CSMD3: variants seen among roughly 807,000 people sequenced by gnomAD.
CSMD3 encodes the protein CUB and sushi domain-containing protein 3.
Under a neutral mutation model 435.2 loss-of-function variants are expected in CSMD3, and 177 were observed. That is an observed-to-expected ratio of 0.41 (90% CI 0.36 to 0.46). The LOEUF (loss-of-function observed/expected upper bound fraction) is 0.46. Ranked by LOEUF, CSMD3 falls within the 20% of genes least tolerant of loss-of-function variation. CSMD3 has a pLI of 0.34. For missense variants in CSMD3, 4,265 were observed against 4,504.6 expected, an observed-to-expected ratio of 0.95 and a Z score of 1.52; for synonymous variants, 1,656 against 1,520.5, an observed-to-expected ratio of 1.09 and a Z score of -2.07.
intron 4 of CSMD3, among the ~76,000 whole-genome samples, chr8:113,119,295 A>G (rs1238543176): frequency 3.9e-5 from 6 of 152,202 alleles, no homozygotes. Flanking sequence ...TTTAAAATAG[A>G]TCATCAAATT....
At chr8:112,633,871 T>C (rs1213192676) in intron 22 of CSMD3, among the ~76,000 whole-genome samples, 1 of 152,064 alleles carries the variant, frequency 6.6e-6, no homozygotes, top group African/African-American at 2.4e-5. Flanking sequence ...TCATACTTTG[T>C]ATAAAATTTA....
At chr8:113,234,598 A>G (rs569401447) in intron 3 of CSMD3, among the ~76,000 whole-genome samples, 1 of 152,308 alleles carries the variant, frequency 6.6e-6, no homozygotes, top group African/African-American at 2.4e-5. Flanking sequence ...TCTACCACTT[A>G]TAACAACCTT....
intron 29 of CSMD3, among the ~76,000 whole-genome samples, chr8:112,506,463 C>T (rs190821769): frequency 1.3e-5 from 2 of 152,158 alleles, no homozygotes; most frequent in African/African-American, 2.4e-5. Context: ...TTTTGTGATG[C>T]CAGCTGTTAG....
intron 2 of CSMD3, among the ~76,000 whole-genome samples, chr8:113,305,792 A>G (rs2093815942): frequency 1.3e-5 from 2 of 152,246 alleles, no homozygotes; most frequent in Non-Finnish European, 2.9e-5. Flanking sequence ...AATGATAACT[A>G]AAGAGAATAA....
intron 20 of CSMD3, among the ~76,000 whole-genome samples, chr8:112,639,860 T>A (rs1171449394): frequency 1.3e-5 from 2 of 152,180 alleles, no homozygotes; most frequent in Non-Finnish European, 2.9e-5. Flanking sequence ...TCGTTTGCGT[T>A]TTACCACAAA....
Position 112,408,985 on chromosome 8 carries a change from C to A in CSMD3, c.5443G>T (p.Val1815Phe). ...TGAGTTGGCCCATCATACACCTCAACAACATCGTGGAGTGATGTCTGGAAA... is the reference window on the plus strand; with the variant it reads ...TGAGTTGGCCCATCATACACCTCAAAAACATCGTGGAGTGATGTCTGGAAA... Reference protein sequence around the residue: ...VFFQTSLHDVVEVYDGPTQQS... With the variant: ...VFFQTSLHDVFEVYDGPTQQS... The change falls in exon 33 of 71, where the codon GTT becomes TTT. Residue 1815 changes from valine to phenylalanine, a missense_variant. Physicochemically the swap from Val to Phe is conservative, Grantham distance 50. This residue lies in a region of CSMD3 where 3,255 missense variants were observed against 3,380.2 expected (regional missense o/e 0.96). Coordinates refer to ENST00000297405, the MANE Select transcript of CSMD3 (RefSeq NM_198123.2). The A allele has an allele frequency of 6.2e-7, 1 of 1,613,556 alleles. No homozygotes were observed. Among genetic ancestry groups the A allele is most frequent in the Non-Finnish European group, 8.5e-7 (1 of 1,179,684 alleles).
At chr8:113,009,463 A>G (rs528482224) in intron 6 of CSMD3, among the ~76,000 whole-genome samples, 16 of 151,858 alleles carry the variant, frequency 1.1e-4, no homozygotes, top group African/African-American at 3.9e-4. Context: ...TCTCTATTTC[A>G]CTCTGTTTTC....
At chr8:112,836,099 T>C (rs1739229033) in intron 11 of CSMD3, among the ~76,000 whole-genome samples, 1 of 151,896 alleles carries the variant, frequency 6.6e-6, no homozygotes, top group Non-Finnish European at 1.5e-5. Flanking sequence ...CCTGTAAATA[T>C]AATGGAGAAG....
chr8:112,888,421 A>G (rs1384579093), intron 10 of CSMD3, among the ~76,000 whole-genome samples: 1 of 151,686 alleles, frequency 6.6e-6, no homozygotes, highest in Non-Finnish European at 1.5e-5. Context: ...TTACTCAGAA[A>G]CTATGCATGA....
At chr8:112,925,157 T>C (rs1326889341) in intron 9 of CSMD3, among the ~76,000 whole-genome samples, 1 of 152,166 alleles carries the variant, frequency 6.6e-6, no homozygotes, top group Non-Finnish European at 1.5e-5. Context: ...TTAACAGTAA[T>C]TTACTTTTTC....
chr8:113,254,326 A>T (rs1265494963), intron 3 of CSMD3, among the ~76,000 whole-genome samples: 1 of 152,230 alleles, frequency 6.6e-6, no homozygotes, highest in East Asian at 1.9e-4. Flanking sequence ...AGCGTGCATG[A>T]TTGAATGTCA....
chr8:112,793,875 A>T, intron 13 of CSMD3, among the ~76,000 whole-genome samples: 1 of 152,218 alleles, frequency 6.6e-6, no homozygotes, highest in Non-Finnish European at 1.5e-5. Context: ...TGAACTTAAA[A>T]TATGTATAAA....
At chr8:113,318,759 G>T (rs1295338772) in intron 1 of CSMD3, among the ~76,000 whole-genome samples, 1 of 146,228 alleles carries the variant, frequency 6.8e-6, no homozygotes, top group Admixed American at 6.8e-5. Context: ...GCACATGGTG[G>T]GATTTCCTCT....
intron 8 of CSMD3, among the ~76,000 whole-genome samples, chr8:112,952,078 CT>C (rs1403009550): frequency 6.6e-6 from 1 of 150,590 alleles, no homozygotes; most frequent in Non-Finnish European, 1.5e-5. Context: ...TCTATAGTTT[CT>C]TTTCTTGGTG....
chr8:112,433,391 C>T (rs1462184571), intron 32 of CSMD3, among the ~76,000 whole-genome samples: 1 of 150,970 alleles, frequency 6.6e-6, no homozygotes, highest in African/African-American at 2.4e-5. Flanking sequence ...GCAGGTGGCT[C>T]ATGCCTGTAA....
intron 70 of CSMD3, among the ~76,000 whole-genome samples, chr8:112,225,717 A>G (rs189578773): frequency 2.0e-5 from 3 of 152,302 alleles, no homozygotes; most frequent in Non-Finnish European, 4.4e-5. Flanking sequence ...AAAGCATGCA[A>G]ATTCAAAAAT....
intron 1 of CSMD3, among the ~76,000 whole-genome samples, chr8:113,435,582 T>A (rs1362009879): frequency 9.2e-5 from 14 of 151,742 alleles, no homozygotes; most frequent in Non-Finnish European, 2.1e-4. Flanking sequence ...CTGGCGCGCC[T>A]GGGCCAAAAC....
intron 32 of CSMD3, among the ~76,000 whole-genome samples, chr8:112,409,545 G>A (rs1344599235): frequency 6.6e-6 from 1 of 151,840 alleles, no homozygotes; most frequent in Non-Finnish European, 1.5e-5. Flanking sequence ...TTCAGATATA[G>A]TGTTTAATTT....
At chr8:112,322,011 T>C (rs1823038543) in intron 45 of CSMD3, among the ~76,000 whole-genome samples, 1 of 152,108 alleles carries the variant, frequency 6.6e-6, no homozygotes, top group Non-Finnish European at 1.5e-5. Context: ...ATGGAGAAGA[T>C]AGGGGGAGCC....
Sources: gnomAD v4.1 joint callset for allele counts (sites outside exome capture counted in the v4.1 genomes callset) on GRCh38, gnomAD v4.1.1 for gene constraint, gnomAD v4.1.1 regional missense constraint, MANE v1.5 for transcripts, NCBI Gene and HGNC (gene_info 2026-07-23, HGNC 2026-07-21) for gene names.